Variants in CHL1 observed in about 807,000 individuals in gnomAD.
CHL1 encodes cell adhesion molecule L1 like.
A neutral mutation model predicts 141.9 loss-of-function variants in CHL1; 96 were observed. The observed-to-expected ratio is 0.68, with a 90% CI of 0.57 to 0.80. CHL1 has a LOEUF of 0.80. Ranked by LOEUF, CHL1 falls within the 30% of genes least tolerant of loss-of-function variation. The probability of loss-of-function intolerance (pLI) is 0.00; values close to 1 mark genes in which losing one functional copy is unlikely to be tolerated. For synonymous variants in CHL1, 613 were observed against 502.2 expected (o/e 1.22, Z -2.95); for missense variants, 1,820 against 1,457.2 (o/e 1.25, Z -4.05).
At chr3:318,086 T>C (rs760059611) in intron 2 of CHL1, among the ~76,000 whole-genome samples, 2 of 151,818 alleles carry the variant, frequency 1.3e-5, no homozygotes, top group African/African-American at 2.4e-5. Context: ...TTCACAACTT[T>C]TTTGGAGGTG....
intron 1 of CHL1, among the ~76,000 whole-genome samples, chr3:239,057 A>G (rs6442717): frequency 0.039 from 5,963 of 152,050 alleles, 413 homozygotes; most frequent in African/African-American, 0.14. Context: ...CACGTGGGGT[A>G]CTGTGTGATT....
intron 5 of CHL1, among the ~76,000 whole-genome samples, chr3:330,293 T>C (rs1701334282): frequency 6.6e-6 from 1 of 152,096 alleles, no homozygotes; most frequent in Admixed American, 6.6e-5. Flanking sequence ...GTGATGACAG[T>C]GAAAACTCTA....
rs116040750 is a variant in CHL1, at chr3:363,560, T to C, written c.1585+177T>C. On this transcript the variant is annotated intron_variant, in intron 14 of 27. Transcript: ENST00000256509. ...AGATTATTGCAAGAACTACAGGGTATGCCCATGATATGTGCACAGCTTCAT... is the reference window on the plus strand; with the variant it reads ...AGATTATTGCAAGAACTACAGGGTACGCCCATGATATGTGCACAGCTTCAT... The C allele has an allele frequency of 5.4e-3, 3,161 of 586,934 alleles. 72 individuals are homozygous for C. The African/African-American group carries it at 0.054, about 10-fold the overall frequency. The allele number at this position is 586,934 out of a possible 1,614,324, so 36.4% of individuals were successfully genotyped here.
At position 389,475 on chromosome 3, in the gene CHL1, G is replaced by C; in HGVS notation, c.2470+1G>C. 1 of 1,610,282 alleles carries C rather than the reference G, an allele frequency of 6.2e-7. No individual in the cohort carries two copies. The highest frequency in any genetic ancestry group is 8.5e-7 in the Non-Finnish European group (1 of 1,176,688). ...GTGACTCTCTATTCTGGAGAAGACT[G>C]TAAGTGATGCACCTAAAACTGCTAA... On this transcript the variant is annotated splice_donor_variant, in intron 20 of 27. Coordinates refer to ENST00000256509, the MANE Select transcript of CHL1 (RefSeq NM_006614.4). LOFTEE classifies it high-confidence loss of function.
At chr3:323,422 A>G (rs1005861664) in intron 3 of CHL1, among the ~76,000 whole-genome samples, 4 of 152,062 alleles carry the variant, frequency 2.6e-5, no homozygotes, top group South Asian at 2.1e-4. Flanking sequence ...GTGAGCGGGT[A>G]TTTTTTCCAA....
chr3:283,230 T>A (rs1210914141), intron 2 of CHL1, among the ~76,000 whole-genome samples: 3 of 152,252 alleles, frequency 2.0e-5, no homozygotes, highest in African/African-American at 7.2e-5. Flanking sequence ...TTCACGAATA[T>A]CATTAGCATT....
rs186006641 is a variant in CHL1 at position 371,348 on chromosome 3, A to G, written c.1751+5233A>G. Among the ~76,000 whole-genome samples the G allele has an allele frequency of 5.9e-3, 894 of 152,072 alleles. 11 individuals are homozygous for G. Among genetic ancestry groups the G allele is most frequent in the Middle Eastern group, 0.024 (7 of 294 alleles). ...CTCTTCTGGTTGAATTGTTCCCTTT[A>G]CCACTATGTAATGCCCTTCTTTGTC... On this transcript the variant is annotated intron_variant, in intron 15 of 27. Coordinates refer to ENST00000256509, the MANE Select transcript of CHL1 (RefSeq NM_006614.4).
chr3:360,232 A>C (rs1236162196), intron 11 of CHL1, 52 bp from the exon 12 acceptor site: 3 of 1,593,530 alleles, frequency 1.9e-6, no homozygotes, highest in East Asian at 2.2e-5. Context: ...ATGGTGTATA[A>C]ATATTTTATG....
chr3:256,738 G>A (rs530564413), intron 2 of CHL1, among the ~76,000 whole-genome samples: 15 of 152,310 alleles, frequency 9.8e-5, no homozygotes, highest in African/African-American at 3.1e-4. Flanking sequence ...GGGAACGAGG[G>A]GAGGATTCAT....
chr3:266,110 G>T (rs1695125490), intron 2 of CHL1, among the ~76,000 whole-genome samples: 1 of 152,284 alleles, frequency 6.6e-6, no homozygotes, highest in East Asian at 1.9e-4. Context: ...CCTCAGTTAA[G>T]CATGTATACC....
At chr3:347,761 G>T (rs1034022862) in intron 9 of CHL1, among the ~76,000 whole-genome samples, 1 of 152,184 alleles carries the variant, frequency 6.6e-6, no homozygotes, top group African/African-American at 2.4e-5. Context: ...TAGGTGGTGT[G>T]CTCAGAAAGC....
At chr3:241,242 GTCAT>G (rs1446186017) in intron 1 of CHL1, among the ~76,000 whole-genome samples, 1 of 152,166 alleles carries the variant, frequency 6.6e-6, no homozygotes, top group Non-Finnish European at 1.5e-5. Flanking sequence ...TTAGAAAGGA[GTCAT>G]GTCATAAAAT....
At chr3:277,332 A>C (rs770623682) in intron 2 of CHL1, among the ~76,000 whole-genome samples, 7 of 152,210 alleles carry the variant, frequency 4.6e-5, no homozygotes, top group Non-Finnish European at 1.0e-4. Context: ...GGAAGTTTAT[A>C]TTTAAAAAAG....
chr3:374,282 C>T (rs1224789782), intron 15 of CHL1, among the ~76,000 whole-genome samples: 2 of 152,062 alleles, frequency 1.3e-5, no homozygotes, highest in Admixed American at 6.6e-5. Context: ...CATTGAAACA[C>T]GAGATTAATT....
chr3:345,779 A>G (rs1440771493), intron 9 of CHL1, among the ~76,000 whole-genome samples: 3 of 152,220 alleles, frequency 2.0e-5, no homozygotes, highest in South Asian at 2.1e-4. Flanking sequence ...CACCGGGCCC[A>G]GCCCGCAATG....
intron 2 of CHL1, among the ~76,000 whole-genome samples, chr3:280,507 T>C (rs1696543948): frequency 6.6e-6 from 1 of 152,182 alleles, no homozygotes; most frequent in African/African-American, 2.4e-5. Flanking sequence ...AGATAAGAAT[T>C]AAAGTGCTGA....
intron 2 of CHL1, among the ~76,000 whole-genome samples, chr3:316,425 C>T (rs1045436082): frequency 6.7e-6 from 1 of 149,076 alleles, no homozygotes; most frequent in Non-Finnish European, 1.5e-5. Context: ...ACCACAATAA[C>T]TTTTGCACCA....
intron 16 of CHL1, among the ~76,000 whole-genome samples, chr3:379,798 A>G (rs1422142699): frequency 1.3e-5 from 2 of 152,124 alleles, no homozygotes; most frequent in East Asian, 3.8e-4. Context: ...TATGTTTAAA[A>G]TTTACATTCT....
chr3:242,366 G>A (rs1239969024), intron 1 of CHL1, among the ~76,000 whole-genome samples: 4 of 145,932 alleles, frequency 2.7e-5, no homozygotes, highest in East Asian at 4.2e-4. Context: ...GGAGGCTGAG[G>A]GGGGCAGATC....
Sources: allele counts gnomAD v4.1 joint callset (sites outside exome capture counted in the v4.1 genomes callset), GRCh38; gene constraint gnomAD v4.1.1; transcripts MANE v1.5; gene names NCBI Gene and HGNC (gene_info 2026-07-23, HGNC 2026-07-21).